The following CHP1 variants were observed in gnomAD, a reference collection of about 807,000 sequenced individuals.
CHP1 encodes calcineurin B homologous protein 1.
CHP1 carries 11 observed loss-of-function variants against 27.4 expected under a neutral mutation model. That is an observed-to-expected ratio of 0.40 (90% CI 0.25 to 0.67). The LOEUF (loss-of-function observed/expected upper bound fraction) is 0.67. Among genes scored for constraint, CHP1 ranks in the 30% least tolerant of loss-of-function variants. The probability of loss-of-function intolerance (pLI) is 0.38; values close to 1 mark genes in which losing one functional copy is unlikely to be tolerated. For synonymous variants in CHP1, 89 were observed against 87.4 expected, an observed-to-expected ratio of 1.02 and a Z score of -0.10; for missense variants, 169 against 251.3, an observed-to-expected ratio of 0.67 and a Z score of 2.22.
At chr15:41,273,443 G>T (rs143380848) in intron 5 of CHP1, among the ~76,000 whole-genome samples, 1 of 151,918 alleles carries the variant, frequency 6.6e-6, no homozygotes, top group African/African-American at 2.4e-5. Context: ...GAGCAGTGGC[G>T]TGATCTCAGC....
chr15:41,269,048 A>C (rs1176187114), intron 4 of CHP1, among the ~76,000 whole-genome samples: 1 of 152,002 alleles, frequency 6.6e-6, no homozygotes, highest in Non-Finnish European at 1.5e-5. Flanking sequence ...AGCTCTACAA[A>C]AATTTTTAAA....
intron 3 of CHP1, among the ~76,000 whole-genome samples, chr15:41,261,396 T>G (rs1194711812): frequency 1.3e-5 from 2 of 152,024 alleles, no homozygotes; most frequent in African/African-American, 4.8e-5. Flanking sequence ...CCTCAAGTGA[T>G]CTGCCTGCCT....
intron 4 of CHP1, among the ~76,000 whole-genome samples, chr15:41,264,402 T>C (rs1242207793): frequency 6.6e-6 from 1 of 152,100 alleles, no homozygotes; most frequent in East Asian, 1.9e-4. Flanking sequence ...GATAGAATAA[T>C]AACAAAGTGC....
chr15:41,259,707 A>G (rs1315477065), intron 3 of CHP1, among the ~76,000 whole-genome samples: 1 of 152,214 alleles, frequency 6.6e-6, no homozygotes, highest in African/African-American at 2.4e-5. Context: ...ATACTGGTCC[A>G]TTAGCAGTAT....
intron 4 of CHP1, among the ~76,000 whole-genome samples, chr15:41,267,200 G>A (rs2140939621): frequency 6.6e-6 from 1 of 152,144 alleles, no homozygotes; most frequent in Admixed American, 6.6e-5. Flanking sequence ...TGATGGTAAT[G>A]GAGTTATTGT....
At chr15:41,263,113 G>T (rs1283169727) in intron 4 of CHP1, among the ~76,000 whole-genome samples, 1 of 152,132 alleles carries the variant, frequency 6.6e-6, no homozygotes, top group African/African-American at 2.4e-5. Context: ...CTGTAAAATA[G>T]GATACTAAGG....
At chr15:41,233,069 T>C (rs187408798) in intron 1 of CHP1, among the ~76,000 whole-genome samples, 6 of 152,314 alleles carry the variant, frequency 3.9e-5, no homozygotes, top group African/African-American at 1.4e-4. Context: ...GTTAGCTCTT[T>C]ATAATTTGCA....
In CHP1 at chr15:41,279,329, C is replaced by T; in HGVS notation, c.535-7C>T. On this transcript the variant is annotated splice_polypyrimidine_tract_variant and splice_region_variant and intron_variant, in intron 6 of 6. Transcript: ENST00000334660. ...CCTTTGTAACTGTTACTGGTTTTCTCCCCCAGGTTTTGGAGAAGGTGGATG... is the reference window on the plus strand; with the variant it reads ...CCTTTGTAACTGTTACTGGTTTTCTTCCCCAGGTTTTGGAGAAGGTGGATG... 6.2e-7 allele frequency: 1 copy of T among 1,612,122 alleles called. No homozygotes were observed. Among genetic ancestry groups the T allele is most frequent in the Non-Finnish European group, 8.5e-7 (1 of 1,178,350 alleles).
chr15:41,255,546 G>A lies in CHP1; in HGVS notation c.141-1364G>A, dbSNP rs546722640. On this transcript the variant is annotated intron_variant, in intron 2 of 6. Transcript: ENST00000334660. Reference sequence around the variant, plus strand: ...AAATTGGCCGGGCATGGTAGCACCCGCTTGTAATGCTAGCTACTTGGGAGA... The same window carrying A: ...AAATTGGCCGGGCATGGTAGCACCCACTTGTAATGCTAGCTACTTGGGAGA... Among the ~76,000 whole-genome samples, 86 of 152,000 alleles carry A rather than the reference G, an allele frequency of 5.7e-4. 3 individuals are homozygous for A. In the South Asian group the frequency reaches 0.016, roughly 29 times the overall value.
At position 41,231,300 on chromosome 15, in the gene CHP1, C is replaced by T; in HGVS notation, c.-83C>T. On this transcript the variant is annotated 5_prime_UTR_variant, in exon 1 of 7. Coordinates refer to ENST00000334660, the MANE Select transcript of CHP1 (RefSeq NM_007236.5). ...ACACTGCCCTCTCCCTTCTTGACCCCTAGCCCTTCCTTCCCTCCCTCCTTC... is the reference window on the plus strand; with the variant it reads ...ACACTGCCCTCTCCCTTCTTGACCCTTAGCCCTTCCTTCCCTCCCTCCTTC... The T allele has an allele frequency of 1.5e-6, 2 of 1,351,598 alleles. No individual in the cohort carries two copies. Among genetic ancestry groups the T allele is most frequent in the South Asian group, 1.3e-5 (1 of 79,970 alleles). 83.7% of individuals were successfully genotyped at this position (1,351,598 alleles called of 1,614,324 possible). A position where few individuals can be genotyped will look rare whatever the true frequency, so the allele number is the denominator to read the frequency against.
At chr15:41,235,128 G>A (rs2047270210) in intron 1 of CHP1, among the ~76,000 whole-genome samples, 1 of 152,104 alleles carries the variant, frequency 6.6e-6, no homozygotes, top group Non-Finnish European at 1.5e-5. Context: ...TGAAAAAAAG[G>A]TGTAATCGGG....
intron 3 of CHP1, among the ~76,000 whole-genome samples, chr15:41,262,260 A>C (rs1172572687): frequency 6.6e-6 from 1 of 152,134 alleles, no homozygotes; most frequent in Non-Finnish European, 1.5e-5. Flanking sequence ...AAATTAAATA[A>C]ACTTTATTTT....
intron 1 of CHP1, among the ~76,000 whole-genome samples, chr15:41,243,151 C>T (rs1483418021): frequency 6.6e-6 from 1 of 151,734 alleles, no homozygotes; most frequent in African/African-American, 2.4e-5. Context: ...ACCAGCCTAG[C>T]CAACATGGCG....
chr15:41,273,062 A>AAAAAG lies in CHP1; in HGVS notation c.411+2459_411+2463dup, dbSNP rs1408934367. Among the ~76,000 whole-genome samples, 4 of 151,958 alleles carry AAAAAG rather than the reference A, an allele frequency of 2.6e-5. No individual in the cohort carries two copies. In the South Asian group the frequency reaches 6.2e-4, roughly 24 times the overall value. Reference sequence around the variant, plus strand: ...ACAGGGCGAGACTCCGTCTCAAAAAAAAAAGAAAAGAAAAGAAAATTATAG... The same window carrying AAAAAG: ...ACAGGGCGAGACTCCGTCTCAAAAAAAAAAGAAAAGAAAAGAAAAGAAAATTATAG... On this transcript the variant is annotated intron_variant, in intron 5 of 6. Transcript: ENST00000334660.
In CHP1 at chr15:41,248,438, T is replaced by C. The variant is rs190961660; in HGVS notation, c.140+4699T>C. On this transcript the variant is annotated intron_variant, in intron 2 of 6. Coordinates refer to ENST00000334660, the MANE Select transcript of CHP1 (RefSeq NM_007236.5). ...TTCTCCTGTTATTTTTATTTTATTT[T>C]CATTTTTTGTGGAGACACAGTCTCA... 2.0e-5 allele frequency among the ~76,000 whole-genome samples: 3 copies of C among 152,322 alleles called. No homozygotes were observed. In the East Asian group the frequency reaches 5.8e-4, roughly 29 times the overall value.
intron 5 of CHP1, among the ~76,000 whole-genome samples, chr15:41,274,224 G>A (rs773267779): frequency 6.6e-6 from 1 of 152,026 alleles, no homozygotes; most frequent in Non-Finnish European, 1.5e-5. Flanking sequence ...CTCCCAAAGT[G>A]CTGGGATTAC....
At chr15:41,252,939 T>G (rs991550800) in intron 2 of CHP1, among the ~76,000 whole-genome samples, 2 of 128,888 alleles carry the variant, frequency 1.6e-5, no homozygotes, top group African/African-American at 6.1e-5. Flanking sequence ...TTTTTTTTTT[T>G]TTTTTTTTTT....
chr15:41,258,225 G>A (rs2047412854), intron 3 of CHP1, among the ~76,000 whole-genome samples: 1 of 152,156 alleles, frequency 6.6e-6, no homozygotes, highest in Non-Finnish European at 1.5e-5. Flanking sequence ...AGGGTAAGTT[G>A]CATAGTAATG....
At chr15:41,262,528 C>G (rs1187731447) in intron 3 of CHP1, among the ~76,000 whole-genome samples, 1 of 152,148 alleles carries the variant, frequency 6.6e-6, no homozygotes, top group Non-Finnish European at 1.5e-5. Flanking sequence ...TTACCTAAAT[C>G]TGGTTAAATC....
Sources: gnomAD v4.1 joint callset for allele counts (sites outside exome capture counted in the v4.1 genomes callset) on GRCh38, gnomAD v4.1.1 for gene constraint, MANE v1.5 for transcripts, NCBI Gene and HGNC (gene_info 2026-07-23, HGNC 2026-07-21) for gene names.